Variants in COL22A1 observed in about 807,000 individuals in gnomAD.
The protein encoded by COL22A1 is collagen type XXII alpha 1 chain.
COL22A1 carries 221 observed loss-of-function variants against 248.9 expected under a neutral mutation model. The ratio of observed to expected loss-of-function variants is 0.89; its 90% confidence interval spans 0.80 to 0.99. COL22A1 has a LOEUF of 0.99. Ranked by LOEUF, COL22A1 falls within the 50% of genes least tolerant of loss-of-function variation. COL22A1 has a pLI of 0.00. For missense variants in COL22A1, 2,240 were observed against 2,179.0 expected, an observed-to-expected ratio of 1.03 and a Z score of -0.56; for synonymous variants, 891 against 793.4, an observed-to-expected ratio of 1.12 and a Z score of -2.07.
intron 16 of COL22A1, among the ~76,000 whole-genome samples, chr8:138,763,715 G>A (rs1833698269): frequency 6.6e-6 from 1 of 152,150 alleles, no homozygotes. Context: ...CTTTGTTCCG[G>A]CTTCTGCCTT....
At chr8:138,893,511 T>C (rs1420637286) in intron 1 of COL22A1, among the ~76,000 whole-genome samples, 4 of 152,358 alleles carry the variant, frequency 2.6e-5, no homozygotes, top group Admixed American at 2.0e-4. Flanking sequence ...CTTTTATTAC[T>C]TTCCAATCCT....
At chr8:138,902,723 TAA>T (rs1814682284) in intron 1 of COL22A1, among the ~76,000 whole-genome samples, 1 of 101,462 alleles carries the variant, frequency 9.9e-6, no homozygotes. Flanking sequence ...AAAAAATTTA[TAA>T]ATATATATAT....
chr8:138,845,188 T>A (rs1026360676), intron 3 of COL22A1, among the ~76,000 whole-genome samples: 2 of 152,040 alleles, frequency 1.3e-5, no homozygotes, highest in African/African-American at 4.8e-5. Context: ...ATTACATAAA[T>A]ATGTTAAAGT....
At chr8:138,642,212 C>T (rs2130453143) in intron 47 of COL22A1, among the ~76,000 whole-genome samples, 1 of 152,314 alleles carries the variant, frequency 6.6e-6, no homozygotes, top group South Asian at 2.1e-4. Flanking sequence ...ACTCAGGGTA[C>T]TGAAGTTGGA....
At chr8:138,706,111 A>G (rs1187420069) in intron 30 of COL22A1, among the ~76,000 whole-genome samples, 1 of 152,246 alleles carries the variant, frequency 6.6e-6, no homozygotes, top group Non-Finnish European at 1.5e-5. Flanking sequence ...TATGCACCCA[A>G]TACAGGAGCA....
chr8:138,745,009 C>T (rs531846991), intron 22 of COL22A1, among the ~76,000 whole-genome samples: 1 of 152,152 alleles, frequency 6.6e-6, no homozygotes, highest in African/African-American at 2.4e-5. Context: ...AGGTTGTCAC[C>T]CGCTGTGGGA....
chr8:138,844,693 G>A (rs577030263), intron 3 of COL22A1, among the ~76,000 whole-genome samples: 61 of 152,318 alleles, frequency 4.0e-4, no homozygotes, highest in South Asian at 1.2e-3. Context: ...GCTCACGCCT[G>A]TAATCCCAGC....
At chr8:138,789,733 C>T (rs1815866959) in intron 12 of COL22A1, among the ~76,000 whole-genome samples, 1 of 152,188 alleles carries the variant, frequency 6.6e-6, no homozygotes, top group East Asian at 1.9e-4. Context: ...TGTCTTGTGT[C>T]AGGTGGATGC....
intron 3 of COL22A1, among the ~76,000 whole-genome samples, chr8:138,868,889 C>A (rs1488974575): frequency 6.6e-6 from 1 of 152,160 alleles, no homozygotes; most frequent in Non-Finnish European, 1.5e-5. Context: ...TGCCACCACA[C>A]CCGGCTAATT....
intron 63 of COL22A1, among the ~76,000 whole-genome samples, chr8:138,591,794 G>A (rs1463020374): frequency 3.9e-5 from 6 of 152,188 alleles, no homozygotes; most frequent in South Asian, 2.1e-4. Context: ...GCTCAAGCAC[G>A]TATCTACCCA....
At chr8:138,704,199 C>G (rs1828212345) in intron 30 of COL22A1, among the ~76,000 whole-genome samples, 1 of 152,216 alleles carries the variant, frequency 6.6e-6, no homozygotes, top group Non-Finnish European at 1.5e-5. Context: ...CCTCTGGGGG[C>G]AGGGCATAGC....
intron 16 of COL22A1, among the ~76,000 whole-genome samples, chr8:138,768,420 C>T (rs1472874000): frequency 1.3e-5 from 2 of 152,168 alleles, no homozygotes; most frequent in Admixed American, 6.5e-5. Context: ...AACCAACATC[C>T]GGAGGCAGCA....
intron 16 of COL22A1, among the ~76,000 whole-genome samples, chr8:138,765,829 C>A (rs1833873754): frequency 6.6e-6 from 1 of 152,208 alleles, no homozygotes; most frequent in Non-Finnish European, 1.5e-5. Context: ...GGAGAGCCGG[C>A]TGCACAGCTG....
intron 23 of COL22A1, among the ~76,000 whole-genome samples, chr8:138,734,016 C>T (rs1830913511): frequency 1.3e-5 from 2 of 152,118 alleles, no homozygotes; most frequent in African/African-American, 4.8e-5. Context: ...TTCAAACTGT[C>T]CAATCCTAAG....
In COL22A1 at chr8:138,623,895, C is replaced by A. The variant is rs993919029; in HGVS notation, c.3718-110G>T. ...GCCCAGCTTCCAGCAGTTGCCTTCA[C>A]AGTTGGCAGCTAAGGCAGTGTCTCA... On this transcript the variant is annotated intron_variant, in intron 51 of 64. Coordinates refer to ENST00000303045, the MANE Select transcript of COL22A1 (RefSeq NM_152888.3). 7 of 855,366 alleles carry A rather than the reference C, an allele frequency of 8.2e-6. No homozygotes were observed. The Admixed American group carries it at 1.4e-4, about 17-fold the overall frequency. 53.0% of individuals were successfully genotyped at this position (855,366 alleles called of 1,614,324 possible). A position where few individuals can be genotyped will look rare whatever the true frequency, so the allele number is the denominator to read the frequency against.
At chr8:138,800,314 G>A (rs1421928767) in intron 11 of COL22A1, among the ~76,000 whole-genome samples, 1 of 152,194 alleles carries the variant, frequency 6.6e-6, no homozygotes, top group Non-Finnish European at 1.5e-5. Context: ...TTGGGGAGAG[G>A]AAGCGAGCCC....
intron 43 of COL22A1, among the ~76,000 whole-genome samples, chr8:138,661,372 A>G (rs1823941712): frequency 6.6e-6 from 1 of 152,216 alleles, no homozygotes. Flanking sequence ...TAAGCAATAA[A>G]TACCACTGCT....
chr8:138,843,112 G>A (rs1206629938), intron 4 of COL22A1, among the ~76,000 whole-genome samples: 1 of 152,120 alleles, frequency 6.6e-6, no homozygotes, highest in Non-Finnish European at 1.5e-5. Context: ...AGCTGCTCCT[G>A]GGGGGTGCTC....
intron 32 of COL22A1, among the ~76,000 whole-genome samples, chr8:138,698,772 C>T (rs560237162): frequency 8.0e-5 from 12 of 150,734 alleles, no homozygotes; most frequent in Admixed American, 1.3e-4. Context: ...CAGTAAGTAC[C>T]CGCCCTGCAG....
Sources: allele counts gnomAD v4.1 joint callset (sites outside exome capture counted in the v4.1 genomes callset), GRCh38; gene constraint gnomAD v4.1.1; transcripts MANE v1.5; gene names NCBI Gene and HGNC (gene_info 2026-07-23, HGNC 2026-07-21).